P4HA1: variants seen among roughly 807,000 people sequenced by gnomAD.
P4HA1 encodes the protein prolyl 4-hydroxylase subunit alpha-1.
In P4HA1, 24 loss-of-function variants were observed where a neutral mutation model predicts 72.8. That is an observed-to-expected ratio of 0.33 (90% CI 0.24 to 0.46). The LOEUF (loss-of-function observed/expected upper bound fraction) is 0.46. Ranked by LOEUF, P4HA1 falls within the 20% of genes least tolerant of loss-of-function variation. P4HA1 has a pLI of 1.00. For synonymous variants in P4HA1, 201 were observed against 218.8 expected, an observed-to-expected ratio of 0.92 and a Z score of 0.72; for missense variants, 446 against 640.6, an observed-to-expected ratio of 0.70 and a Z score of 3.28.
At chr10:73,030,392 G>C (rs200553196) in intron 9 of P4HA1, 22 bp from the exon 10 acceptor site, 130 of 1,285,586 alleles carry the variant, frequency 1.0e-4, no homozygotes, top group Non-Finnish European at 1.4e-4. Flanking sequence ...AGGAATATTA[G>C]TTTTATTGAT....
At chr10:73,056,817 T>C (rs1841157941) in intron 5 of P4HA1, among the ~76,000 whole-genome samples, 1 of 151,920 alleles carries the variant, frequency 6.6e-6, no homozygotes, top group Admixed American at 6.6e-5. Context: ...TCCCAGCAGT[T>C]TGGGAGGCTG....
chr10:73,050,940 T>C (rs191205540), intron 7 of P4HA1, 113 bp downstream of exon 7: 3 of 823,266 alleles, frequency 3.6e-6, no homozygotes, highest in Admixed American at 2.3e-5. Flanking sequence ...TATGCAGTCA[T>C]TCTGATTTTT....
intron 10 of P4HA1, among the ~76,000 whole-genome samples, chr10:73,019,382 T>TTCTCA (rs1165895377): frequency 6.6e-6 from 1 of 152,070 alleles, no homozygotes; most frequent in Non-Finnish European, 1.5e-5. Flanking sequence ...CAATGAAATA[T>TTCTCA]GACACTGCTG....
intron 5 of P4HA1, among the ~76,000 whole-genome samples, chr10:73,066,404 G>A (rs1205455838): frequency 1.3e-5 from 2 of 152,106 alleles, no homozygotes; most frequent in Non-Finnish European, 2.9e-5. Flanking sequence ...ATAATATTCA[G>A]GACCATTTTG....
chr10:73,095,227 TAAAAAAA>T (rs35159575), intron 1 of P4HA1, among the ~76,000 whole-genome samples: 3,852 of 67,346 alleles, frequency 0.057, 191 homozygotes, highest in African/African-American at 0.14. Flanking sequence ...GCTCACAAGC[TAAAAAAA>T]AAAAAAAAAA....
chr10:73,039,989 G>A (rs1283056850), intron 9 of P4HA1, among the ~76,000 whole-genome samples: 1 of 151,596 alleles, frequency 6.6e-6, no homozygotes, highest in Non-Finnish European at 1.5e-5. Context: ...AGCCTCCTGG[G>A]TAGCTGGGAC....
At chr10:73,028,193 CAAGCGTTATAAATAA>C (rs1256801073) in intron 10 of P4HA1, among the ~76,000 whole-genome samples, 1 of 150,936 alleles carries the variant, frequency 6.6e-6, no homozygotes, top group Non-Finnish European at 1.5e-5. Flanking sequence ...TAAAAAACTG[CAAGCGTTATAAATAA>C]AAGCTTTCAT....
chr10:73,062,985 G>GTCC (rs1841344785), intron 5 of P4HA1, among the ~76,000 whole-genome samples: 1 of 151,070 alleles, frequency 6.6e-6, no homozygotes, highest in African/African-American at 2.4e-5. Context: ...TTTTTTTCTG[G>GTCC]CCCCATTAGT....
intron 7 of P4HA1, among the ~76,000 whole-genome samples, chr10:73,049,368 C>A (rs914335929): frequency 6.6e-6 from 1 of 152,230 alleles, no homozygotes; most frequent in Admixed American, 6.5e-5. Context: ...AAAGTACTTA[C>A]TCCAAAAATT....
chr10:73,071,783 T>A (rs1046129816), intron 4 of P4HA1, among the ~76,000 whole-genome samples: 4 of 152,144 alleles, frequency 2.6e-5, no homozygotes, highest in Non-Finnish European at 4.4e-5. Flanking sequence ...TGAAGCTATA[T>A]GCCAAATAAT....
chr10:73,051,445 G>A (rs1057057225), intron 6 of P4HA1, among the ~76,000 whole-genome samples, 196 bp from the exon 7 acceptor site: 1 of 152,086 alleles, frequency 6.6e-6, no homozygotes, highest in Non-Finnish European at 1.5e-5. Flanking sequence ...AAGTAAATCA[G>A]GACATATAGT....
intron 1 of P4HA1, among the ~76,000 whole-genome samples, chr10:73,091,870 A>G (rs1360195258): frequency 2.6e-5 from 4 of 152,196 alleles, no homozygotes; most frequent in Admixed American, 2.0e-4. Flanking sequence ...TCTGAACATG[A>G]GCTATTCAGA....
intron 9 of P4HA1, among the ~76,000 whole-genome samples, chr10:73,032,463 C>T (rs1194129318): frequency 6.6e-6 from 1 of 152,190 alleles, no homozygotes; most frequent in East Asian, 1.9e-4. Flanking sequence ...TGGAAACTCT[C>T]TCAAACACTC....
intron 7 of P4HA1, among the ~76,000 whole-genome samples, chr10:73,047,620 AAAT>A (rs1284296434): frequency 6.6e-6 from 1 of 152,022 alleles, no homozygotes; most frequent in Non-Finnish European, 1.5e-5. Context: ...GAAAAAGAAA[AAAT>A]AAGTTATTAA....
chr10:73,051,452 T>C (rs550931311), intron 6 of P4HA1, among the ~76,000 whole-genome samples: 3 of 152,222 alleles, frequency 2.0e-5, no homozygotes, highest in South Asian at 2.1e-4. Context: ...TCAGGACATA[T>C]AGTCACCTAT....
intron 1 of P4HA1, among the ~76,000 whole-genome samples, chr10:73,085,533 G>A: frequency 6.6e-6 from 1 of 151,934 alleles, no homozygotes; most frequent in Non-Finnish European, 1.5e-5. Flanking sequence ...ACAGCCATGT[G>A]CCACCACGCC....
intron 10 of P4HA1, among the ~76,000 whole-genome samples, chr10:73,027,103 T>C (rs1404130907): frequency 6.6e-6 from 1 of 152,154 alleles, no homozygotes; most frequent in African/African-American, 2.4e-5. Flanking sequence ...ACTGGGTAAA[T>C]ACCCAAAGGA....
intron 13 of P4HA1, 113 bp from the exon 14 acceptor site, chr10:73,010,016 T>A: frequency 1.7e-6 from 1 of 603,490 alleles, no homozygotes. Flanking sequence ...TCGCCCAGGC[T>A]GGAGTGCAAT....
intron 9 of P4HA1, among the ~76,000 whole-genome samples, chr10:73,042,379 G>C (rs541129347): frequency 9.8e-5 from 15 of 152,306 alleles, no homozygotes; most frequent in Admixed American, 5.2e-4. Flanking sequence ...GAAGACAGCA[G>C]TAATCTTCAA....
Sources: gnomAD v4.1 joint callset for allele counts (sites outside exome capture counted in the v4.1 genomes callset) on GRCh38, gnomAD v4.1.1 for gene constraint, MANE v1.5 for transcripts, NCBI Gene and HGNC (gene_info 2026-07-23, HGNC 2026-07-21) for gene names.